SATB2: variants seen among roughly 807,000 people sequenced by gnomAD.
SATB2 encodes DNA-binding protein SATB2.
Under a neutral mutation model 73.4 loss-of-function variants are expected in SATB2, and 1 was observed. That is an observed-to-expected ratio of 0.01 (90% confidence interval 0.00 to 0.06). The LOEUF (loss-of-function observed/expected upper bound fraction) is 0.06. Among genes scored for constraint, SATB2 ranks in the 10% least tolerant of loss-of-function variants. The pLI, the probability that SATB2 is intolerant of heterozygous loss-of-function variation, is 1.00. For missense variants in SATB2, 459 were observed against 945.8 expected, an observed-to-expected ratio of 0.49 and a Z score of 6.75; for synonymous variants, 397 against 367.0, an observed-to-expected ratio of 1.08 and a Z score of -0.93.
chr2:199,285,854 T>A (rs942675097), intron 10 of SATB2, among the ~76,000 whole-genome samples: 9 of 146,036 alleles, frequency 6.2e-5, no homozygotes, highest in Non-Finnish European at 9.0e-5. Context: ...AAATATGTGT[T>A]CAATTTCATC....
rs754385480 is a variant in SATB2, at chr2:199,348,874, C to T, written c.1000G>A (p.Ala334Thr). The T allele has an allele frequency of 5.0e-6, 8 of 1,613,984 alleles. No individual in the cohort carries two copies. Among genetic ancestry groups the T allele is most frequent in the African/African-American group, 1.3e-5 (1 of 74,906 alleles). The change falls in exon 7 of 11, where the codon GCC becomes ACC. Residue 334 changes from alanine to threonine, a missense_variant. Physicochemically the swap from Ala to Thr is moderately conservative, Grantham distance 58 (BLOSUM62 0). Transcript: ENST00000417098. Reference sequence around the variant, plus strand: ...TGGTTCAGGAACTGCTGGTTGATGGCTTGAGGATGCTGGTGAGCCAGGAGC... The same window carrying T: ...TGGTTCAGGAACTGCTGGTTGATGGTTTGAGGATGCTGGTGAGCCAGGAGC... The part of the protein sequence containing the change: ...SRLLAHQHPQ[A>T]INQQFLNHPP...
chr2:199,318,877 C>T lies in SATB2; in HGVS notation c.1542+4926G>A, dbSNP rs570666338. ...TTAGCCTGTCAAGCAAATTAGACCA[C>T]CTATAAGGAGAGATTTTAAGAAAAA... is the stretch of plus-strand genomic sequence containing the variant. On this transcript the variant is annotated intron_variant, in intron 9 of 10. Coordinates refer to ENST00000417098, the MANE Select transcript of SATB2 (RefSeq NM_001172509.2). 7.6e-4 allele frequency among the ~76,000 whole-genome samples: 116 copies of T among 151,988 alleles called. 2 individuals are homozygous for T. The highest frequency in any genetic ancestry group is 2.1e-3 in the Admixed American group (32 of 15,252).
At chr2:199,341,920 C>G (rs1269739795) in intron 7 of SATB2, among the ~76,000 whole-genome samples, 3 of 152,130 alleles carry the variant, frequency 2.0e-5, no homozygotes. Context: ...AGAAGAAATG[C>G]AAGCAAAGTC....
chr2:199,445,360 A>G (rs1357026690), intron 2 of SATB2, among the ~76,000 whole-genome samples: 1 of 152,208 alleles, frequency 6.6e-6, no homozygotes, highest in Non-Finnish European at 1.5e-5. Context: ...AATCCTGAAC[A>G]TGCAGGTCAG....
At chr2:199,362,167 ATGTAC>A (rs1237181618) in intron 6 of SATB2, among the ~76,000 whole-genome samples, 4 of 152,154 alleles carry the variant, frequency 2.6e-5, no homozygotes, top group Non-Finnish European at 5.9e-5. Flanking sequence ...ATCAGGATAA[ATGTAC>A]TGCCATTCTA....
chr2:199,369,664 C>T (rs565863463), intron 5 of SATB2, among the ~76,000 whole-genome samples: 69 of 152,120 alleles, frequency 4.5e-4, no homozygotes, highest in African/African-American at 1.6e-3. Context: ...TCATCTTTCT[C>T]AAAAAAAGTT....
rs111472842 is a variant in SATB2, at chr2:199,281,780, G to A, written c.1741-9108C>T. 1.3e-3 allele frequency among the ~76,000 whole-genome samples: 200 copies of A among 151,970 alleles called. 2 individuals are homozygous for A. The highest frequency in any genetic ancestry group is 4.3e-3 in the African/African-American group (177 of 41,448). ...ATCAATGTAATTATTTTATGTCTCC[G>A]TCACTGTTGGACTGTGAGCTACATA... On this transcript the variant is annotated intron_variant, in intron 10 of 10. Transcript: ENST00000417098.
chr2:199,352,193 GA>G (rs1407110459), intron 6 of SATB2, among the ~76,000 whole-genome samples: 2 of 152,054 alleles, frequency 1.3e-5, no homozygotes, highest in Non-Finnish European at 2.9e-5. Flanking sequence ...ATTTTCTACT[GA>G]AAAAACATAG....
intron 7 of SATB2, among the ~76,000 whole-genome samples, chr2:199,331,001 T>C (rs1688173119): frequency 6.6e-6 from 1 of 152,152 alleles, no homozygotes; most frequent in Admixed American, 6.5e-5. Flanking sequence ...ATTATGATTA[T>C]ACTCAAGAGA....
chr2:199,433,649 A>T lies in SATB2; in HGVS notation c.170-135T>A, dbSNP rs1691569984. On this transcript the variant is annotated intron_variant, in intron 2 of 10. Coordinates refer to ENST00000417098, the MANE Select transcript of SATB2 (RefSeq NM_001172509.2). ...GTGGTTTAGATTAAACAAGCCTCTT[A>T]GTCATATAGGTCTAATGGAAAGCTG... 7.3e-6 allele frequency: 6 copies of T among 825,278 alleles called. No homozygotes were observed. The Admixed American group carries it at 9.9e-5, about 14-fold the overall frequency. 51.1% of individuals were successfully genotyped at this position (825,278 alleles called of 1,614,324 possible). A position where few individuals can be genotyped will look rare whatever the true frequency, so the allele number is the denominator to read the frequency against.
chr2:199,352,375 C>T (rs907508078), intron 6 of SATB2, among the ~76,000 whole-genome samples: 2 of 152,046 alleles, frequency 1.3e-5, no homozygotes, highest in African/African-American at 2.4e-5. Context: ...AAATCATGTA[C>T]ACAATTAAGC....
At chr2:199,470,592 T>C (rs1471125007) in intron 1 of SATB2, 1 of 152,348 alleles carries the variant, frequency 6.6e-6, no homozygotes, top group African/African-American at 2.4e-5. Flanking sequence ...TTGTTAAATG[T>C]ATGGCTGCTA....
At chr2:199,279,773 A>G (rs1692426226) in intron 10 of SATB2, among the ~76,000 whole-genome samples, 1 of 152,184 alleles carries the variant, frequency 6.6e-6, no homozygotes, top group South Asian at 2.1e-4. Flanking sequence ...GTCCAATTTT[A>G]CCTCATTTTT....
At chr2:199,434,941 G>A (rs192185582) in intron 2 of SATB2, among the ~76,000 whole-genome samples, 4 of 152,154 alleles carry the variant, frequency 2.6e-5, no homozygotes, top group South Asian at 2.1e-4. Flanking sequence ...AAGATAATAA[G>A]TATTGGGTGT....
chr2:199,404,909 T>C (rs1422549762), intron 3 of SATB2, among the ~76,000 whole-genome samples: 1 of 152,230 alleles, frequency 6.6e-6, no homozygotes, highest in Non-Finnish European at 1.5e-5. Context: ...CATATCTTAA[T>C]ATCATGAAAG....
chr2:199,317,450 A>C (rs1354434677), intron 9 of SATB2, among the ~76,000 whole-genome samples: 3 of 152,110 alleles, frequency 2.0e-5, no homozygotes, highest in Non-Finnish European at 4.4e-5. Flanking sequence ...AAGTTTCCAA[A>C]GTTACCAAGT....
rs1335891294 is a variant in SATB2 at position 199,301,000 on chromosome 2, A to G, written c.1740+7760T>C. Reference sequence around the variant, plus strand: ...TAGAACCACCCCATGATGAATGAAAAGCTAACTTCAGTAATTAAAATGATA... The same window carrying G: ...TAGAACCACCCCATGATGAATGAAAGGCTAACTTCAGTAATTAAAATGATA... On this transcript the variant is annotated intron_variant, in intron 10 of 10. Coordinates refer to ENST00000417098, the MANE Select transcript of SATB2 (RefSeq NM_001172509.2). 8.5e-5 allele frequency among the ~76,000 whole-genome samples: 13 copies of G among 152,158 alleles called. No homozygotes were observed. The South Asian group carries it at 1.7e-3, about 19-fold the overall frequency.
intron 5 of SATB2, among the ~76,000 whole-genome samples, chr2:199,376,517 T>C (rs1343824414): frequency 2.0e-5 from 3 of 152,162 alleles, no homozygotes; most frequent in Non-Finnish European, 4.4e-5. Flanking sequence ...TAGTGGCATC[T>C]AGTGGGTAAT....
At chr2:199,458,803 T>A (rs1299046880), upstream of SATB2, 1 of 349,560 alleles carries the variant, frequency 2.9e-6, no homozygotes, top group East Asian at 1.6e-4. Flanking sequence ...CCGAGCAACT[T>A]TTCCCGGTGC....
Sources: gnomAD v4.1 joint callset for allele counts (sites outside exome capture counted in the v4.1 genomes callset) on GRCh38, gnomAD v4.1.1 for gene constraint, MANE v1.5 for transcripts, NCBI Gene and HGNC (gene_info 2026-07-23, HGNC 2026-07-21) for gene names.